RAB1A: variants seen among roughly 807,000 people sequenced by gnomAD.
RAB1A encodes RAB1A, member RAS oncogene family.
A neutral mutation model predicts 26.0 loss-of-function variants in RAB1A; 2 were observed. That is an observed-to-expected ratio of 0.08 (90% CI 0.03 to 0.24). RAB1A has a LOEUF of 0.24. Among genes scored for constraint, RAB1A ranks in the 10% least tolerant of loss-of-function variants. The probability of loss-of-function intolerance (pLI) is 1.00; values close to 1 mark genes in which losing one functional copy is unlikely to be tolerated. For missense variants in RAB1A, 100 were observed against 247.0 expected (o/e 0.40, Z 3.99); for synonymous variants, 84 against 84.9 (o/e 0.99, Z 0.06).
At chr2:65,088,803 G>T in intron 5 of RAB1A, 113 bp from the exon 6 acceptor site, 1 of 1,311,864 alleles carries the variant, frequency 7.6e-7, no homozygotes, top group Non-Finnish European at 1.0e-6. Flanking sequence ...GATCCAAACA[G>T]ATGCTACACA....
chr2:65,127,342 T>C (rs565512694), intron 1 of RAB1A, among the ~76,000 whole-genome samples: 3 of 152,304 alleles, frequency 2.0e-5, no homozygotes, highest in African/African-American at 7.2e-5. Context: ...AAAACCCAGA[T>C]AGCCAACCAC....
At chr2:65,094,786 CTTGAT>C (rs1669246482) in intron 3 of RAB1A, among the ~76,000 whole-genome samples, 2 of 151,848 alleles carry the variant, frequency 1.3e-5, no homozygotes, top group South Asian at 4.2e-4. Flanking sequence ...ATATCTCATA[CTTGAT>C]TTAAGAAATC....
At chr2:65,089,200 A>C in intron 4 of RAB1A, 130 bp from the exon 5 acceptor site, 4 of 866,040 alleles carry the variant, frequency 4.6e-6, no homozygotes, top group Non-Finnish European at 5.2e-6. Flanking sequence ...CAAAATAACC[A>C]CTGCTAAGGA....
At chr2:65,127,743 T>C (rs6729150) in intron 1 of RAB1A, among the ~76,000 whole-genome samples, 7,523 of 151,640 alleles carry the variant, frequency 0.05, 601 homozygotes, top group African/African-American at 0.17. Flanking sequence ...AATAAATAAT[T>C]TTTTTTTTGA....
At chr2:65,115,950 G>A (rs1389440990) in intron 1 of RAB1A, among the ~76,000 whole-genome samples, 1 of 152,130 alleles carries the variant, frequency 6.6e-6, no homozygotes, top group East Asian at 1.9e-4. Flanking sequence ...GAGGCCAAGA[G>A]TTCAAAACCA....
intron 3 of RAB1A, among the ~76,000 whole-genome samples, chr2:65,092,689 G>A (rs1290562140): frequency 1.3e-5 from 2 of 152,194 alleles, no homozygotes; most frequent in Non-Finnish European, 2.9e-5. Context: ...ATGTTGCCCA[G>A]GCAGATCTTG....
intron 1 of RAB1A, among the ~76,000 whole-genome samples, chr2:65,118,197 A>G (rs1669868615): frequency 6.6e-6 from 1 of 152,158 alleles, no homozygotes; most frequent in Non-Finnish European, 1.5e-5. Flanking sequence ...TCTCCAGTTG[A>G]ATCAACATAA....
intron 3 of RAB1A, among the ~76,000 whole-genome samples, chr2:65,092,294 CAA>C (rs1031911363): frequency 6.6e-6 from 1 of 151,902 alleles, no homozygotes; most frequent in Non-Finnish European, 1.5e-5. Flanking sequence ...AAAAGAGGCT[CAA>C]AGTCTTTCAG....
chr2:65,111,731 A>G (rs1184808552), intron 1 of RAB1A, among the ~76,000 whole-genome samples: 1 of 152,244 alleles, frequency 6.6e-6, no homozygotes, highest in African/African-American at 2.4e-5. Flanking sequence ...TCACAATTTC[A>G]GTAAATCTAA....
intron 2 of RAB1A, 61 bp from the exon 3 acceptor site, chr2:65,098,127 G>T: frequency 2.1e-6 from 2 of 958,236 alleles, no homozygotes; most frequent in Non-Finnish European, 2.9e-6. Flanking sequence ...GCAAGTCTAA[G>T]TGGAAAAAAA....
chr2:65,096,617 G>A (rs531524964), intron 3 of RAB1A, among the ~76,000 whole-genome samples: 5 of 152,228 alleles, frequency 3.3e-5, no homozygotes, highest in South Asian at 2.1e-4. Flanking sequence ...TACTTATATC[G>A]TGGGAAAAAA....
intron 2 of RAB1A, among the ~76,000 whole-genome samples, chr2:65,101,225 C>T (rs1307935035): frequency 6.6e-6 from 1 of 152,108 alleles, no homozygotes; most frequent in Non-Finnish European, 1.5e-5. Context: ...TGAGCCGTTA[C>T]TATTCGTCTG....
At chr2:65,088,889 C>T (rs908421451) in intron 5 of RAB1A, 50 bp downstream of exon 5, 2 of 1,544,580 alleles carry the variant, frequency 1.3e-6, no homozygotes, top group Non-Finnish European at 8.8e-7. Context: ...AGAACCCATA[C>T]ATAATTCAAC....
chr2:65,128,641 A>AT (rs1491227820), intron 1 of RAB1A, among the ~76,000 whole-genome samples: 2 of 152,216 alleles, frequency 1.3e-5, no homozygotes, highest in Non-Finnish European at 2.9e-5. Context: ...TGTGACACAC[A>AT]TATGACAGTC....
At chr2:65,098,477 A>G (rs1216014560) in intron 2 of RAB1A, among the ~76,000 whole-genome samples, 1 of 152,184 alleles carries the variant, frequency 6.6e-6, no homozygotes, top group African/African-American at 2.4e-5. Flanking sequence ...ATTCACCACA[A>G]AACAACAATT....
At chr2:65,114,205 A>C in intron 1 of RAB1A, 1 of 419,206 alleles carries the variant, frequency 2.4e-6, no homozygotes, top group Admixed American at 2.9e-5. Context: ...GACAAGGTTC[A>C]CATGTCAATG....
intron 4 of RAB1A, 135 bp downstream of exon 4, chr2:65,090,847 AT>A (rs1439824719): frequency 2.1e-6 from 1 of 472,988 alleles, no homozygotes; most frequent in Non-Finnish European, 3.7e-6. Context: ...TCACATTTAT[AT>A]TTGAGAGTGG....
chr2:65,123,389 C>T (rs916898609), intron 1 of RAB1A, among the ~76,000 whole-genome samples: 3 of 151,710 alleles, frequency 2.0e-5, no homozygotes, highest in African/African-American at 4.8e-5. Flanking sequence ...AGGATGGTCT[C>T]GATCTCCTGA....
intron 4 of RAB1A, among the ~76,000 whole-genome samples, chr2:65,089,969 C>G (rs1247096126): frequency 6.6e-6 from 1 of 152,180 alleles, no homozygotes; most frequent in Non-Finnish European, 1.5e-5. Flanking sequence ...TCCCAAAGTT[C>G]TGGGATTACA....
Sources: allele counts gnomAD v4.1 joint callset (sites outside exome capture counted in the v4.1 genomes callset), GRCh38; gene constraint gnomAD v4.1.1; transcripts MANE v1.5; gene names NCBI Gene and HGNC (gene_info 2026-07-23, HGNC 2026-07-21).